SCN11A: variants seen among roughly 807,000 people sequenced by gnomAD.
The protein encoded by SCN11A is sodium channel protein type 11 subunit alpha.
In SCN11A, 122 loss-of-function variants were observed where a neutral mutation model predicts 162.2. The ratio of observed to expected loss-of-function variants is 0.75; its 90% CI spans 0.65 to 0.87. The LOEUF (loss-of-function observed/expected upper bound fraction) is 0.87. Among genes scored for constraint, SCN11A ranks in the 40% least tolerant of loss-of-function variants. The pLI, the probability that SCN11A is intolerant of heterozygous loss-of-function variation, is 0.00. For missense variants in SCN11A, 2,015 were observed against 2,181.6 expected, an observed-to-expected ratio of 0.92 and a Z score of 1.52; for synonymous variants, 758 against 751.5, an observed-to-expected ratio of 1.01 and a Z score of -0.14.
At chr3:38,848,093 T>C (rs1442350911) in intron 29 of SCN11A, among the ~76,000 whole-genome samples, 1 of 152,214 alleles carries the variant, frequency 6.6e-6, no homozygotes, top group African/African-American at 2.4e-5. Flanking sequence ...AAGCTGCCCA[T>C]GGATCTTTCA....
At chr3:38,919,382 C>T (rs1379510015) in intron 11 of SCN11A, among the ~76,000 whole-genome samples, 1 of 152,212 alleles carries the variant, frequency 6.6e-6, no homozygotes, top group Non-Finnish European at 1.5e-5. Flanking sequence ...GAAATACACT[C>T]AATAAATCTT....
At chr3:38,927,024 C>G in intron 7 of SCN11A, 93 bp from the exon 8 acceptor site, 2 of 1,213,182 alleles carry the variant, frequency 1.6e-6, no homozygotes, top group Non-Finnish European at 2.3e-6. Flanking sequence ...ATTTTTTTTT[C>G]CATTTCAATG....
At chr3:38,904,213 T>G in intron 15 of SCN11A, 110 bp from the exon 16 acceptor site, 1 of 638,524 alleles carries the variant, frequency 1.6e-6, no homozygotes, top group East Asian at 2.9e-5. Flanking sequence ...TGATACATGA[T>G]CAGTTGTGAA....
intron 2 of SCN11A, among the ~76,000 whole-genome samples, chr3:38,977,694 C>G (rs780765585): frequency 2.6e-5 from 4 of 152,186 alleles, no homozygotes; most frequent in Non-Finnish European, 4.4e-5. Context: ...TGGAACATCT[C>G]CATCACCCAA....
Position 39,051,859 on chromosome 3 carries a change from A to G in SCN11A, c.-404+2T>C, listed in dbSNP as rs1292909478. 1.4e-6 allele frequency: 1 copy of G among 736,306 alleles called. No individual in the cohort carries two copies. Among genetic ancestry groups the G allele is most frequent in the Non-Finnish European group, 2.3e-6 (1 of 436,972 alleles). 45.6% of individuals were successfully genotyped at this position (736,306 alleles called of 1,614,324 possible). ...AGTGGTTTTGTTTTTAGGTGCATCT[A>G]CCTCATCACATGGCTACCGGCCACA... On this transcript the variant is annotated splice_donor_variant, in intron 1 of 29. Transcript: ENST00000302328. LOFTEE classifies it low-confidence loss of function (5UTR_SPLICE).
At chr3:39,032,650 A>G (rs1046520450) in intron 1 of SCN11A, among the ~76,000 whole-genome samples, 147 bp from the exon 2 acceptor site, 1 of 152,214 alleles carries the variant, frequency 6.6e-6, no homozygotes, top group African/African-American at 2.4e-5. Flanking sequence ...CCTGTATTAC[A>G]TAAAACTTAT....
In SCN11A at chr3:38,924,600, T is replaced by C. The variant is rs543478452; in HGVS notation, c.712+815A>G. Among the ~76,000 whole-genome samples, 18 of 152,236 alleles carry C rather than the reference T, an allele frequency of 1.2e-4. No individual in the cohort carries two copies. In the East Asian group the frequency reaches 3.3e-3, roughly 28 times the overall value. On this transcript the variant is annotated intron_variant, in intron 9 of 29. Transcript: ENST00000302328. ...GTTGATCAGGCTGATACCAAACTTCTGACCTCAGGTGATCCACCTGCCTCA... is the reference window on the plus strand; with the variant it reads ...GTTGATCAGGCTGATACCAAACTTCCGACCTCAGGTGATCCACCTGCCTCA...
At chr3:38,981,027 T>C (rs1404137409) in intron 2 of SCN11A, among the ~76,000 whole-genome samples, 2 of 151,472 alleles carry the variant, frequency 1.3e-5, no homozygotes, top group African/African-American at 4.9e-5. Flanking sequence ...CTCACTCTGT[T>C]TGTCGGTAGC....
In SCN11A at chr3:38,903,960, T is replaced by C. The variant is rs889297799; in HGVS notation, c.1747A>G (p.Ile583Val). The change falls in exon 16 of 30, where the codon ATC (isoleucine) becomes GTC (valine). Residue 583 changes from isoleucine to valine, a missense_variant. Physicochemically the swap from Ile to Val is conservative, Grantham distance 29. Transcript: ENST00000302328. The part of the protein sequence containing the change: ...VMTDPFTELA[I>V]TICIIINTVF... ...GTGTTGATGATGATGCAGATGGTGA[T>C]GGCCAGCTCAGTAAACGGGTCAGTC... is the stretch of plus-strand genomic sequence containing the variant. 6.2e-7 allele frequency: 1 copy of C among 1,614,132 alleles called. No individual in the cohort carries two copies. The highest frequency in any genetic ancestry group is 8.5e-7 in the Non-Finnish European group (1 of 1,179,978).
intron 9 of SCN11A, among the ~76,000 whole-genome samples, chr3:38,923,208 TCTC>T (rs2066081767): frequency 1.3e-5 from 2 of 152,058 alleles, no homozygotes; most frequent in African/African-American, 4.8e-5. Context: ...TTCCCTGGTT[TCTC>T]CTCTTCTCCC....
chr3:38,852,183 A>C (rs551238194), intron 28 of SCN11A, among the ~76,000 whole-genome samples: 1 of 152,246 alleles, frequency 6.6e-6, no homozygotes, highest in East Asian at 1.9e-4. Context: ...CAATGAGAGG[A>C]AGGAGGGTAG....
chr3:38,885,006 G>A (rs1431558446), intron 21 of SCN11A, among the ~76,000 whole-genome samples: 2 of 152,162 alleles, frequency 1.3e-5, no homozygotes, highest in Non-Finnish European at 2.9e-5. Flanking sequence ...ACCATAGAAA[G>A]TGGCAGACAT....
At chr3:38,959,767 C>T (rs2066722124) in intron 3 of SCN11A, among the ~76,000 whole-genome samples, 1 of 152,182 alleles carries the variant, frequency 6.6e-6, no homozygotes, top group South Asian at 2.1e-4. Context: ...CTTCATAGAT[C>T]CCATAAGAAA....
At chr3:38,877,063 GTA>G (rs1559501517) in intron 23 of SCN11A, among the ~76,000 whole-genome samples, 2 of 125,116 alleles carry the variant, frequency 1.6e-5, no homozygotes, top group African/African-American at 6.3e-5. Flanking sequence ...TATATATATG[GTA>G]TATATATGGT....
chr3:38,870,606 T>C (rs2126095172), intron 26 of SCN11A, 85 bp downstream of exon 26: 1 of 1,128,122 alleles, frequency 8.9e-7, no homozygotes, highest in Non-Finnish European at 1.3e-6. Context: ...GCTGGAACTA[T>C]GACGCCAGTT....
chr3:38,988,833 G>C (rs2030353640), intron 2 of SCN11A, among the ~76,000 whole-genome samples: 2 of 152,230 alleles, frequency 1.3e-5, no homozygotes, highest in African/African-American at 2.4e-5. Context: ...AGCCAAGACG[G>C]GATTCCAGCA....
intron 1 of SCN11A, among the ~76,000 whole-genome samples, chr3:39,036,114 C>T (rs1401437878): frequency 6.6e-6 from 1 of 152,110 alleles, no homozygotes; most frequent in African/African-American, 2.4e-5. Context: ...AAGCAATCCT[C>T]CTGCGTCAGC....
chr3:38,937,124 G>A (rs1156790085), intron 7 of SCN11A, among the ~76,000 whole-genome samples: 1 of 152,046 alleles, frequency 6.6e-6, no homozygotes, highest in Non-Finnish European at 1.5e-5. Context: ...AATGGGGAAA[G>A]GATTCTCTAT....
Position 38,950,063 on chromosome 3 carries a change from ACCCCCACCCCCCCCCC to A in SCN11A, c.267+17_267+32del, listed in dbSNP as rs771887139. ...ACAACTGCATGGTTAGAACACCCCC[ACCCCCACCCCCCCCCC>A]CCGCCCAATGAAGTACCTTATGATT... On this transcript the variant is annotated intron_variant, in intron 5 of 29. Coordinates refer to ENST00000302328, the MANE Select transcript of SCN11A (RefSeq NM_001349253.2). The A allele has an allele frequency of 1.9e-4, 12 of 64,014 alleles. 2 individuals are homozygous for A. Among genetic ancestry groups the A allele is most frequent in the African/African-American group, 1.0e-3 (12 of 11,574 alleles). 4.0% of individuals were successfully genotyped at this position (64,014 alleles called of 1,614,324 possible). A position where few individuals can be genotyped will look rare whatever the true frequency, so the allele number is the denominator to read the frequency against.
Sources: gnomAD v4.1 joint callset for allele counts (sites outside exome capture counted in the v4.1 genomes callset) on GRCh38, gnomAD v4.1.1 for gene constraint, MANE v1.5 for transcripts, NCBI Gene and HGNC (gene_info 2026-07-23, HGNC 2026-07-21) for gene names.